The following FAM204A variants were observed in gnomAD, a reference collection of about 807,000 sequenced individuals.
The protein encoded by FAM204A is protein FAM204A.
FAM204A carries 16 observed loss-of-function variants against 35.4 expected under a neutral mutation model. The ratio of observed to expected loss-of-function variants is 0.45; its 90% CI spans 0.31 to 0.69. The LOEUF is 0.69. Among genes scored for constraint, FAM204A ranks in the 30% least tolerant of loss-of-function variants. The probability of loss-of-function intolerance (pLI) is 0.07; values close to 1 mark genes in which losing one functional copy is unlikely to be tolerated. For synonymous variants in FAM204A, 76 were observed against 86.9 expected (o/e 0.88, Z 0.70); for missense variants, 240 against 265.7 (o/e 0.90, Z 0.67).
chr10:118,313,597 A>G (rs1487147870), intron 7 of FAM204A, among the ~76,000 whole-genome samples: 1 of 152,140 alleles, frequency 6.6e-6, no homozygotes, highest in Non-Finnish European at 1.5e-5. Context: ...CAAGTGGACA[A>G]TTCAGTCTCT....
rs370146387 is a variant in FAM204A, at chr10:118,325,177, A to T, written c.543+977T>A. Among the ~76,000 whole-genome samples, 21 of 152,314 alleles carry T rather than the reference A, an allele frequency of 1.4e-4. No individual in the cohort carries two copies. The East Asian group carries it at 2.3e-3, about 17-fold the overall frequency. ...TTAAAGCCTGCAGCCAAAAAGAAAAAGACAAAACGAAAAACGCAAAAATCA... is the reference window on the plus strand; with the variant it reads ...TTAAAGCCTGCAGCCAAAAAGAAAATGACAAAACGAAAAACGCAAAAATCA... On this transcript the variant is annotated intron_variant, in intron 7 of 8. Transcript: ENST00000369183.
intron 7 of FAM204A, among the ~76,000 whole-genome samples, chr10:118,321,436 C>G (rs906933221): frequency 1.3e-5 from 2 of 151,960 alleles, no homozygotes; most frequent in Non-Finnish European, 2.9e-5. Context: ...AGATGTTTTT[C>G]CACTTACACA....
rs146725250 is a variant in FAM204A, at chr10:118,336,274, C to T, written c.142G>A (p.Asp48Asn). 1.4e-5 allele frequency: 22 copies of T among 1,613,830 alleles called. No homozygotes were observed. The highest frequency in any genetic ancestry group is 1.6e-4 in the Middle Eastern group (1 of 6,084). Reference protein sequence around the residue: ...DESIRKTEIIDFSTDEPKTET... With the variant: ...DESIRKTEIINFSTDEPKTET... Reference sequence around the variant, plus strand: ...GTTTTTGGTTCATCTGTTGAGAAATCTATGATTTCTGTTTTTCTGATGCTC... The same window carrying T: ...GTTTTTGGTTCATCTGTTGAGAAATTTATGATTTCTGTTTTTCTGATGCTC... The change falls in exon 3 of 9, where the codon GAT becomes AAT. Residue 48 changes from aspartate (D) to asparagine (N), a missense_variant. This residue lies in a region of FAM204A where 232 missense variants were observed against 242.8 expected (regional missense o/e 0.96). Transcript: ENST00000369183.
At position 118,298,460 on chromosome 10, in the gene FAM204A, G is replaced by T. The variant is rs569348061; in HGVS notation, c.*12397C>A. 1 of 152,312 alleles carries T rather than the reference G, an allele frequency of 6.6e-6. No individual in the cohort carries two copies. The highest frequency in any genetic ancestry group is 1.5e-5 in the Non-Finnish European group (1 of 68,026). 9.4% of individuals were successfully genotyped at this position (152,312 alleles called of 1,614,324 possible). The stretch of plus-strand genomic sequence containing the variant: ...AGTTACTCTTCATTTTTATGTGTCA[G>T]AAAGCGTTCCTTGCATAAACAGGTG... On this transcript the variant is annotated 3_prime_UTR_variant, in exon 9 of 9. Transcript: ENST00000369183.
intron 7 of FAM204A, among the ~76,000 whole-genome samples, chr10:118,325,626 T>C (rs529698712): frequency 1.3e-5 from 2 of 152,234 alleles, no homozygotes; most frequent in East Asian, 3.9e-4. Flanking sequence ...TAATTCAGAA[T>C]CTTCTTGTGG....
At chr10:118,335,354 T>G in intron 5 of FAM204A, 42 bp downstream of exon 5, 1 of 1,575,602 alleles carries the variant, frequency 6.3e-7, no homozygotes, top group Non-Finnish European at 8.6e-7. Flanking sequence ...CAACAATTTC[T>G]ACAATGGCCT....
intron 7 of FAM204A, among the ~76,000 whole-genome samples, chr10:118,322,858 C>G (rs1359177899): frequency 6.6e-6 from 1 of 152,028 alleles, no homozygotes; most frequent in African/African-American, 2.4e-5. Flanking sequence ...GCATTACTAA[C>G]TCTACTAAAA....
chr10:118,322,483 T>G (rs1020845248), intron 7 of FAM204A: 14 of 427,666 alleles, frequency 3.3e-5, no homozygotes, highest in African/African-American at 1.6e-4. Flanking sequence ...AGGGACATGC[T>G]ACAAAGTAAC....
At chr10:118,321,724 C>CAAAAAAA (rs200200755) in intron 7 of FAM204A, among the ~76,000 whole-genome samples, 1,946 of 86,536 alleles carry the variant, frequency 0.022, 6 homozygotes, top group Non-Finnish European at 0.028. Context: ...TATGACAAAG[C>CAAAAAAA]AAAAAAAAAA....
chr10:118,333,280 A>C (rs1310925003), intron 6 of FAM204A, among the ~76,000 whole-genome samples: 2 of 152,220 alleles, frequency 1.3e-5, no homozygotes, highest in African/African-American at 4.8e-5. Flanking sequence ...GTTCTCTCAG[A>C]TATGGTAACA....
At position 118,301,791 on chromosome 10, in the gene FAM204A, C is replaced by A. The variant is rs1237584871; in HGVS notation, c.*9066G>T. The A allele has an allele frequency of 6.6e-6, 1 of 152,128 alleles. No individual in the cohort carries two copies. Among genetic ancestry groups the A allele is most frequent in the Non-Finnish European group, 1.5e-5 (1 of 68,028 alleles). 9.4% of individuals were successfully genotyped at this position (152,128 alleles called of 1,614,324 possible). On this transcript the variant is annotated 3_prime_UTR_variant, in exon 9 of 9. Transcript: ENST00000369183. ...TTATTATCTCCATTTCTCAGGAGAA[C>A]CCAAGGTACAGAGAGATTAAGTAGC...
chr10:118,326,117 T>A, intron 7 of FAM204A, 37 bp downstream of exon 7: 1 of 1,509,392 alleles, frequency 6.6e-7, no homozygotes, highest in Non-Finnish European at 9.1e-7. Flanking sequence ...TCTAGAAAAT[T>A]TGAAAATACA....
chr10:118,324,050 T>C (rs1313759670), intron 7 of FAM204A, among the ~76,000 whole-genome samples: 2 of 152,152 alleles, frequency 1.3e-5, no homozygotes, highest in African/African-American at 4.8e-5. Context: ...ACTGAGTTTA[T>C]GGCACCATTC....
chr10:118,324,997 TCACA>T (rs919497516), intron 7 of FAM204A, among the ~76,000 whole-genome samples: 1 of 151,446 alleles, frequency 6.6e-6, no homozygotes, highest in Non-Finnish European at 1.5e-5. Context: ...ATATTCTCTC[TCACA>T]CACACACACA....
intron 6 of FAM204A, 81 bp from the exon 7 acceptor site, chr10:118,326,324 C>T: frequency 8.6e-7 from 1 of 1,167,488 alleles, no homozygotes; most frequent in East Asian, 2.3e-5. Context: ...CAGAATTATA[C>T]TGAATGTGTT....
At position 118,310,198 on chromosome 10, in the gene FAM204A, G is replaced by T. The variant is rs1845925718; in HGVS notation, c.*659C>A. ...GTACAGATAAGAAAATACAAGGGCA[G>T]CATGGTAGCTCATGTCTGTACTCCC... is the stretch of plus-strand genomic sequence containing the variant. On this transcript the variant is annotated 3_prime_UTR_variant, in exon 9 of 9. Coordinates refer to ENST00000369183, the MANE Select transcript of FAM204A (RefSeq NM_022063.3). 6.6e-6 allele frequency: 1 copy of T among 152,008 alleles called. No homozygotes were observed. The highest frequency in any genetic ancestry group is 1.5e-5 in the Non-Finnish European group (1 of 68,050). 9.4% of individuals were successfully genotyped at this position (152,008 alleles called of 1,614,324 possible).
intron 6 of FAM204A, among the ~76,000 whole-genome samples, chr10:118,326,613 A>G (rs1304288081): frequency 6.6e-6 from 1 of 152,240 alleles, no homozygotes; most frequent in African/African-American, 2.4e-5. Flanking sequence ...TTTAATTCTT[A>G]TAACAACTCC....
intron 6 of FAM204A, among the ~76,000 whole-genome samples, chr10:118,332,456 C>T (rs570957692): frequency 6.6e-6 from 1 of 151,904 alleles, no homozygotes; most frequent in East Asian, 1.9e-4. Context: ...CCCCATACCT[C>T]TCTCACCACA....
At chr10:118,321,724 CAAAAAAA>C (rs200200755) in intron 7 of FAM204A, among the ~76,000 whole-genome samples, 1 of 87,290 alleles carries the variant, frequency 1.1e-5, no homozygotes, top group African/African-American at 4.2e-5. Flanking sequence ...TATGACAAAG[CAAAAAAA>C]AAAAAAAAAA....
Sources: allele counts gnomAD v4.1 joint callset (sites outside exome capture counted in the v4.1 genomes callset), GRCh38; gene constraint gnomAD v4.1.1; regional missense constraint gnomAD v4.1.1; transcripts MANE v1.5; gene names NCBI Gene and HGNC (gene_info 2026-07-23, HGNC 2026-07-21).